TLR3: variants seen among roughly 807,000 people sequenced by gnomAD.
The protein encoded by TLR3 is toll like receptor 3, also known as toll-like receptor 3.
In TLR3, 43 loss-of-function variants were observed where a neutral mutation model predicts 66.4. The observed-to-expected ratio is 0.65, with a 90% CI of 0.51 to 0.83. The LOEUF (loss-of-function observed/expected upper bound fraction) is 0.83. Among genes scored for constraint, TLR3 ranks in the 40% least tolerant of loss-of-function variants. TLR3 has a pLI of 0.00. For synonymous variants in TLR3, 397 were observed against 397.2 expected, an observed-to-expected ratio of 1.00 and a Z score of 0.01; for missense variants, 982 against 1,044.6, an observed-to-expected ratio of 0.94 and a Z score of 0.83.
In TLR3 at chr4:186,084,925, T is replaced by A. The variant is rs2099304123; in HGVS notation, c.*52T>A. ...GGAGAAACTTTCTCAATTTAAAAAG[T>A]TCTATGGCAAATTTAAGTTTTCCAT... On this transcript the variant is annotated 3_prime_UTR_variant, in exon 5 of 5. Coordinates refer to ENST00000296795, the MANE Select transcript of TLR3 (RefSeq NM_003265.3). 6.8e-7 allele frequency: 1 copy of A among 1,468,916 alleles called. No homozygotes were observed. Among genetic ancestry groups the A allele is most frequent in the Non-Finnish European group, 9.4e-7 (1 of 1,063,214 alleles). 91.0% of individuals were successfully genotyped at this position (1,468,916 alleles called of 1,614,324 possible).
chr4:186,081,827 A>G, intron 3 of TLR3: 1 of 160,348 alleles, frequency 6.2e-6, no homozygotes, highest in Admixed American at 6.1e-5. Context: ...CTGGAGTAAG[A>G]GGTGGGCGCT....
Position 186,082,652 on chromosome 4 carries a change from C to A in TLR3, c.966C>A (p.Phe322Leu). ...TTTCTCACTCTTTGCACGGGCTTTT[C>A]AATGTGAGGTACCTGAATTTGAAAC... is the stretch of plus-strand genomic sequence containing the variant. The part of the protein sequence containing the change: ...HLFSHSLHGL[F>L]NVRYLNLKRS... The change falls in exon 4 of 5, where the codon TTC becomes TTA. Residue 322 changes from phenylalanine to leucine, a missense_variant. This residue lies in a region of TLR3 where 666 missense variants were observed against 709.0 expected (regional missense o/e 0.94). Coordinates refer to ENST00000296795, the MANE Select transcript of TLR3 (RefSeq NM_003265.3). 6.2e-7 allele frequency: 1 copy of A among 1,613,860 alleles called. No individual in the cohort carries two copies.
Position 186,085,105 on chromosome 4 carries a change from T to C in TLR3, c.*232T>C, listed in dbSNP as rs1014210903. On this transcript the variant is annotated 3_prime_UTR_variant, in exon 5 of 5. Coordinates refer to ENST00000296795, the MANE Select transcript of TLR3 (RefSeq NM_003265.3). ...AAAACATATAAGCACGTAAGAACATTGTCTACTGATTAATATACAATCAGC... is the reference window on the plus strand; with the variant it reads ...AAAACATATAAGCACGTAAGAACATCGTCTACTGATTAATATACAATCAGC... The C allele has an allele frequency of 6.9e-5, 37 of 533,484 alleles. No homozygotes were observed. The East Asian group carries it at 1.3e-3, about 18-fold the overall frequency. 33.0% of individuals were successfully genotyped at this position (533,484 alleles called of 1,614,324 possible).
chr4:186,070,659 A>G (rs1465782845), intron 1 of TLR3, among the ~76,000 whole-genome samples: 2 of 150,886 alleles, frequency 1.3e-5, no homozygotes, highest in African/African-American at 4.9e-5. Context: ...AAGTGATGGG[A>G]TTACAGGCAT....
Position 186,078,908 on chromosome 4 carries a change from G to A in TLR3, c.510G>A (p.Leu170=). The change falls in exon 3 of 5, where the codon CTG becomes CTA. Residue 170 remains leucine, a synonymous_variant. Coordinates refer to ENST00000296795, the MANE Select transcript of TLR3 (RefSeq NM_003265.3). ...SSTKLGTQVQ[L]ENLQELLLSN... ...CAAAATTAGGAACTCAGGTTCAGCTGGAAAATCTCCAAGAGCTTCTATTAT... is the reference window on the plus strand; with the variant it reads ...CAAAATTAGGAACTCAGGTTCAGCTAGAAAATCTCCAAGAGCTTCTATTAT... 6.2e-7 allele frequency: 1 copy of A among 1,613,936 alleles called. No individual in the cohort carries two copies.
intron 1 of TLR3, among the ~76,000 whole-genome samples, chr4:186,072,943 T>C (rs1730493438): frequency 6.6e-6 from 1 of 152,154 alleles, no homozygotes; most frequent in Non-Finnish European, 1.5e-5. Flanking sequence ...TGAGAAGCAA[T>C]AATTAATAAT....
Position 186,087,754 on chromosome 4 carries a change from C to T in TLR3, c.*2881C>T, listed in dbSNP as rs997120204. On this transcript the variant is annotated 3_prime_UTR_variant, in exon 5 of 5. Coordinates refer to ENST00000296795, the MANE Select transcript of TLR3 (RefSeq NM_003265.3). The stretch of plus-strand genomic sequence containing the variant: ...CATCTAGGTTGTAAAGGAGACTCAA[C>T]GGTAAGTTATAGTGACCATTGAAAA... The T allele has an allele frequency of 8.6e-5, 13 of 152,006 alleles. No individual in the cohort carries two copies. The highest frequency in any genetic ancestry group is 2.0e-4 in the Admixed American group (3 of 15,256). 9.4% of individuals were successfully genotyped at this position (152,006 alleles called of 1,614,324 possible). A position where few individuals can be genotyped will look rare whatever the true frequency, so the allele number is the denominator to read the frequency against.
In TLR3 at chr4:186,078,969, C is replaced by A. The variant is rs772483077; in HGVS notation, c.571C>A (p.Leu191Met). The change falls in exon 3 of 5, where the codon CTG becomes ATG. Residue 191 changes from leucine to methionine, a missense_variant. Leu to Met is a conservative substitution (Grantham distance 15, BLOSUM62 2). Transcript: ENST00000296795. ...NKIQALKSEE[L>M]DIFANSSLKK... is the part of the protein sequence containing the mutation. ...AATTCAAGCGCTAAAAAGTGAAGAA[C>A]TGGATATCTTTGCCAATTCATCTTT... is the stretch of plus-strand genomic sequence containing the variant. 2 of 1,613,900 alleles carry A rather than the reference C, an allele frequency of 1.2e-6. No homozygotes were observed. The highest frequency in any genetic ancestry group is 1.7e-6 in the Non-Finnish European group (2 of 1,179,962).
chr4:186,075,007 G>A (rs564605382), intron 1 of TLR3, among the ~76,000 whole-genome samples: 1 of 151,830 alleles, frequency 6.6e-6, no homozygotes. Flanking sequence ...TGAAGGACCT[G>A]CCTGAGGCTG....
At position 186,083,230 on chromosome 4, in the gene TLR3, A is replaced by C. The variant is rs753313305; in HGVS notation, c.1544A>C (p.Asn515Thr). Residue 515 changes from asparagine to threonine, a missense_variant, in exon 4 of 5, where the codon AAC becomes ACC. Transcript: ENST00000296795. This position sits in a 1 kb window ranked among gnomAD's most constrained non-coding sequence, Gnocchi z 4.0. ...AACTTGACCATTCTGGATCTAAGCA[A>C]CAACAACATAGCCAACATAAATGAT... is the stretch of plus-strand genomic sequence containing the variant. ...LRNLTILDLS[N>T]NNIANINDDM... The C allele has an allele frequency of 6.2e-7, 1 of 1,614,186 alleles. No homozygotes were observed. The highest frequency in any genetic ancestry group is 8.5e-7 in the Non-Finnish European group (1 of 1,180,020).
At chr4:186,079,874 G>A (rs1481834872) in intron 3 of TLR3, among the ~76,000 whole-genome samples, 1 of 152,212 alleles carries the variant, frequency 6.6e-6, no homozygotes, top group African/African-American at 2.4e-5. Context: ...ATTTTACAGG[G>A]TCTTGTTTAT....
intron 1 of TLR3, among the ~76,000 whole-genome samples, chr4:186,069,522 A>G (rs1298226765): frequency 6.6e-6 from 1 of 152,224 alleles, no homozygotes; most frequent in Non-Finnish European, 1.5e-5. Flanking sequence ...TCTCTGTAGC[A>G]TTCTGTACCT....
intron 2 of TLR3, 38 bp from the exon 3 acceptor site, chr4:186,078,802 C>T (rs770146390): frequency 6.3e-6 from 10 of 1,575,624 alleles, no homozygotes; most frequent in Non-Finnish European, 8.7e-6. Flanking sequence ...TTTTTGACAG[C>T]AAGACTCTAA....
rs2099303708 is a variant in TLR3 at position 186,082,492 on chromosome 4, T to C, written c.806T>C (p.Leu269Ser). 1 of 1,614,156 alleles carries C rather than the reference T, an allele frequency of 6.2e-7. No homozygotes were observed. Among genetic ancestry groups the C allele is most frequent in the Non-Finnish European group, 8.5e-7 (1 of 1,180,036 alleles). The change falls in exon 4 of 5, where the codon TTG becomes TCG. Residue 269 changes from leucine (L) to serine (S), a missense_variant. This residue lies in a region of TLR3 where 313 missense variants were observed against 319.0 expected (regional missense o/e 0.98). Transcript: ENST00000296795. ...TCCACCACCAGCAATACAACTTTCT[T>C]GGGACTAAAGTGGACAAATCTCACT... Reference protein sequence around the residue: ...QLSTTSNTTFLGLKWTNLTML... With the variant: ...QLSTTSNTTFSGLKWTNLTML...
chr4:186,077,309 A>G (rs1490448730), intron 2 of TLR3, among the ~76,000 whole-genome samples: 1 of 152,232 alleles, frequency 6.6e-6, no homozygotes, highest in Non-Finnish European at 1.5e-5. Context: ...CGCAAGAGAT[A>G]GAAGTAATGA....
chr4:186,083,020 A>G lies in TLR3; in HGVS notation c.1334A>G (p.Gln445Arg), dbSNP rs749246118. The G allele has an allele frequency of 6.2e-7, 1 of 1,614,218 alleles. No individual in the cohort carries two copies. Among genetic ancestry groups the G allele is most frequent in the East Asian group, 2.2e-5 (1 of 44,876 alleles). ...GACCTGGGCCTTAATGAAATTGGGC[A>G]AGAACTCACAGGCCAGGAATGGAGA... Reference protein sequence around the residue: ...VLDLGLNEIGQELTGQEWRGL... With the variant: ...VLDLGLNEIGRELTGQEWRGL... The change falls in exon 4 of 5, where the codon CAA becomes CGA. Residue 445 changes from glutamine (Q) to arginine (R), a missense_variant. Physicochemically the swap from Gln to Arg is conservative, Grantham distance 43 (BLOSUM62 1). Transcript: ENST00000296795. The surrounding 1 kb of genome is among the most constrained non-coding windows in gnomAD (Gnocchi z 4.0).
At position 186,072,053 on chromosome 4, in the gene TLR3, G is replaced by T. The variant is rs116670348; in HGVS notation, c.-8+2805G>T. On this transcript the variant is annotated intron_variant, in intron 1 of 4. Transcript: ENST00000296795. Reference sequence around the variant, plus strand: ...AGTGGCTTTCCTGAGCTGACTAAATGCCCATGGAAAGCTATTGTATGAGTG... The same window carrying T: ...AGTGGCTTTCCTGAGCTGACTAAATTCCCATGGAAAGCTATTGTATGAGTG... Among the ~76,000 whole-genome samples the T allele has an allele frequency of 9.1e-4, 138 of 152,322 alleles. 1 individual carries two copies. The highest frequency in any genetic ancestry group is 3.4e-3 in the Middle Eastern group (1 of 294).
intron 3 of TLR3, chr4:186,081,969 A>G: frequency 3.4e-6 from 1 of 291,724 alleles, no homozygotes; most frequent in Non-Finnish European, 6.4e-6. Flanking sequence ...GCTCAGGCCT[A>G]TAATCCCAGC....
rs1040691293 is a variant in TLR3 at position 186,084,878 on chromosome 4, A to G, written c.*5A>G. ...TCCAAAAACTCTGTACATTAAATTT[A>G]TTTAAATATTCAATTAGCAAAGGAG... On this transcript the variant is annotated 3_prime_UTR_variant, in exon 5 of 5. Transcript: ENST00000296795. 3.1e-6 allele frequency: 5 copies of G among 1,604,770 alleles called. No homozygotes were observed. Among genetic ancestry groups the G allele is most frequent in the Non-Finnish European group, 4.3e-6 (5 of 1,172,674 alleles).
Sources: gnomAD v4.1 joint callset for allele counts (sites outside exome capture counted in the v4.1 genomes callset) on GRCh38, gnomAD v4.1.1 for gene constraint, gnomAD v4.1.1 regional missense constraint, Gnocchi (gnomAD v3.1) non-coding constraint, MANE v1.5 for transcripts, NCBI Gene and HGNC (gene_info 2026-07-23, HGNC 2026-07-21) for gene names.